NUP98: variants seen among roughly 807,000 people sequenced by gnomAD.
NUP98 encodes the protein nuclear pore complex protein Nup98-Nup96.
NUP98 carries 26 observed loss-of-function variants against 191.9 expected under a neutral mutation model. That is an observed-to-expected ratio of 0.14 (90% CI 0.10 to 0.19). The LOEUF (loss-of-function observed/expected upper bound fraction) is 0.19. Among genes scored for constraint, NUP98 ranks in the 10% least tolerant of loss-of-function variants. NUP98 has a pLI of 1.00. For synonymous variants in NUP98, 808 were observed against 778.4 expected, an observed-to-expected ratio of 1.04 and a Z score of -0.63; for missense variants, 1,941 against 2,178.8, an observed-to-expected ratio of 0.89 and a Z score of 2.17.
intron 21 of NUP98, among the ~76,000 whole-genome samples, chr11:3,705,996 CAAAAAAAAAA>C (rs66628165): frequency 1.0e-5 from 1 of 99,476 alleles, no homozygotes; most frequent in Non-Finnish European, 2.1e-5. Context: ...ACTAAAAATA[CAAAAAAAAAA>C]AAAAAAAAAA....
intron 10 of NUP98, among the ~76,000 whole-genome samples, chr11:3,754,637 T>C (rs909958147): frequency 1.3e-5 from 2 of 151,544 alleles, no homozygotes; most frequent in Non-Finnish European, 2.9e-5. Flanking sequence ...TCCTATAATT[T>C]CCCTTTAAAA....
At chr11:3,711,594 A>G (rs534744874) in intron 20 of NUP98, 27 of 157,844 alleles carry the variant, frequency 1.7e-4, no homozygotes, top group Non-Finnish European at 2.1e-4. Context: ...ATATATATAT[A>G]AGGTTATAAA....
chr11:3,749,090 T>G (rs914657703), intron 11 of NUP98, among the ~76,000 whole-genome samples: 8 of 118,364 alleles, frequency 6.8e-5, no homozygotes, highest in African/African-American at 2.6e-4. Flanking sequence ...GGGTGGATCA[T>G]GAGGTCAGGA....
At chr11:3,789,133 A>G (rs1471080249) in intron 1 of NUP98, among the ~76,000 whole-genome samples, 1 of 152,198 alleles carries the variant, frequency 6.6e-6, no homozygotes, top group Non-Finnish European at 1.5e-5. Context: ...GCCTACACCA[A>G]AAGACTGGTA....
At chr11:3,756,812 G>A (rs1374051835) in intron 10 of NUP98, among the ~76,000 whole-genome samples, 5 of 152,052 alleles carry the variant, frequency 3.3e-5, no homozygotes, top group Admixed American at 3.3e-4. Context: ...TGTCGGCTGG[G>A]CGCAGTGGCT....
At chr11:3,725,511 CA>C (rs1437500243) in intron 14 of NUP98, among the ~76,000 whole-genome samples, 8 of 152,144 alleles carry the variant, frequency 5.3e-5, no homozygotes, top group African/African-American at 1.9e-4. Flanking sequence ...GCACTTTATC[CA>C]GACACTTCGT....
intron 23 of NUP98, 119 bp from the exon 24 acceptor site, chr11:3,700,958 G>T: frequency 1.4e-6 from 1 of 720,744 alleles, no homozygotes; most frequent in Non-Finnish European, 2.3e-6. Flanking sequence ...ACATTTCACT[G>T]TAGTTTTAAA....
At chr11:3,754,222 T>C (rs2080874071) in intron 10 of NUP98, among the ~76,000 whole-genome samples, 1 of 150,812 alleles carries the variant, frequency 6.6e-6, no homozygotes, top group Non-Finnish European at 1.5e-5. Context: ...AGGTCAAGAG[T>C]TCGAGAACAG....
intron 9 of NUP98, 122 bp from the exon 10 acceptor site, chr11:3,760,748 T>TA (rs2081136484): frequency 1.4e-5 from 9 of 653,614 alleles, no homozygotes; most frequent in Non-Finnish European, 2.3e-5. Context: ...CTAACATTCA[T>TA]AAAAAAGGTA....
Position 3,723,343 on chromosome 11 carries a change from G to T in NUP98, c.1960C>A (p.Pro654Thr). The change falls in exon 16 of 33, where the codon CCA (proline) becomes ACA (threonine). Residue 654 changes from proline to threonine, a missense_variant. By Grantham distance (38) the Pro-to-Thr change is conservative. Around this residue, in one of 6 missense-constraint regions of NUP98, gnomAD observed 453 missense variants for 438.2 expected, o/e 1.03. Coordinates refer to ENST00000324932, the MANE Select transcript of NUP98 (RefSeq NM_016320.5). ...CTGTGTTTATTTCCAGCACTTTCTG[G>T]GGTTTGAGGAATAGGTTTGGCAATA... ...NPIAKPIPQTPESAGNKHSNS... is the reference protein window; with the variant it reads ...NPIAKPIPQTTESAGNKHSNS... 6.2e-7 allele frequency: 1 copy of T among 1,614,042 alleles called. No individual in the cohort carries two copies. Among genetic ancestry groups the T allele is most frequent in the Non-Finnish European group, 8.5e-7 (1 of 1,179,998 alleles).
chr11:3,707,196 C>G (rs2078886770), intron 20 of NUP98, among the ~76,000 whole-genome samples: 1 of 152,124 alleles, frequency 6.6e-6, no homozygotes, highest in Admixed American at 6.5e-5. Flanking sequence ...ACTATCTACT[C>G]TTCCAAAAAA....
intron 8 of NUP98, among the ~76,000 whole-genome samples, chr11:3,768,225 T>A (rs1429563700): frequency 6.6e-6 from 1 of 151,876 alleles, no homozygotes; most frequent in Non-Finnish European, 1.5e-5. Flanking sequence ...ATCGAGACCA[T>A]CCTGGCAAAC....
chr11:3,739,498 C>T (rs1196801607), intron 12 of NUP98, among the ~76,000 whole-genome samples: 2 of 152,142 alleles, frequency 1.3e-5, no homozygotes, highest in African/African-American at 4.8e-5. Flanking sequence ...CCACCCGCCT[C>T]GGCCTCCCAA....
At chr11:3,766,723 A>G (rs1360911029) in intron 8 of NUP98, among the ~76,000 whole-genome samples, 1 of 148,298 alleles carries the variant, frequency 6.7e-6, no homozygotes, top group Non-Finnish European at 1.5e-5. Flanking sequence ...GAGAAGCCTG[A>G]GGGTCCTCCA....
intron 1 of NUP98, among the ~76,000 whole-genome samples, chr11:3,795,428 G>A (rs1199245512): frequency 1.3e-5 from 2 of 152,146 alleles, no homozygotes; most frequent in East Asian, 3.8e-4. Context: ...CCTGGGTGAT[G>A]GAGTGAGACC....
chr11:3,722,329 T>C (rs530763569), intron 16 of NUP98, among the ~76,000 whole-genome samples: 11 of 151,840 alleles, frequency 7.2e-5, no homozygotes. Context: ...TTGCCCAGAC[T>C]GATTTCAAAC....
Position 3,699,401 on chromosome 11 carries a change from C to T in NUP98, c.3743-53G>A, listed in dbSNP as rs539505533. The T allele has an allele frequency of 3.9e-5, 61 of 1,583,824 alleles. 1 individual carries two copies. In the South Asian group the frequency reaches 6.6e-4, roughly 17 times the overall value. On this transcript the variant is annotated intron_variant, in intron 24 of 32. Coordinates refer to ENST00000324932, the MANE Select transcript of NUP98 (RefSeq NM_016320.5). ...ACGAGACAAAGTCTTACAACAACTT[C>T]ACAGAGGGCATCCTTCTAACTGTGA... is the stretch of plus-strand genomic sequence containing the variant.
chr11:3,701,299 G>A (rs990969283), intron 23 of NUP98, among the ~76,000 whole-genome samples: 7 of 133,654 alleles, frequency 5.2e-5, no homozygotes, highest in East Asian at 2.1e-4. Context: ...TCACACTGTC[G>A]CTGAGGTTGG....
At position 3,790,062 on chromosome 11, in the gene NUP98, C is replaced by T. The variant is rs752363745; in HGVS notation, c.-29+7338G>A. ...CCTCCCAAAGTGCTAGCATTACAGG[C>T]GTGAGCCACGGCACACAGCCCCATT... is the stretch of plus-strand genomic sequence containing the variant. On this transcript the variant is annotated intron_variant, in intron 1 of 32. Transcript: ENST00000324932. 6.6e-5 allele frequency among the ~76,000 whole-genome samples: 10 copies of T among 152,158 alleles called. 1 individual carries two copies. Among genetic ancestry groups the T allele is most frequent in the South Asian group, 4.1e-4 (2 of 4,834 alleles).
Sources: allele counts gnomAD v4.1 joint callset (sites outside exome capture counted in the v4.1 genomes callset), GRCh38; gene constraint gnomAD v4.1.1; regional missense constraint gnomAD v4.1.1; transcripts MANE v1.5; gene names NCBI Gene and HGNC (gene_info 2026-07-23, HGNC 2026-07-21).